DOCK3: variants seen among roughly 807,000 people sequenced by gnomAD.
DOCK3 encodes the protein dedicator of cytokinesis 3, also known as dedicator of cytokinesis protein 3.
DOCK3 carries 60 observed loss-of-function variants against 265.6 expected under a neutral mutation model. The ratio of observed to expected loss-of-function variants is 0.23; its 90% CI spans 0.18 to 0.28. The LOEUF is 0.28. Ranked by LOEUF, DOCK3 falls within the 10% of genes least tolerant of loss-of-function variation. The pLI, the probability that DOCK3 is intolerant of heterozygous loss-of-function variation, is 1.00. For synonymous variants in DOCK3, 881 were observed against 938.0 expected (o/e 0.94, Z 1.11); for missense variants, 1,981 against 2,594.3 (o/e 0.76, Z 5.14).
At chr3:51,109,965 A>ATTG (rs1194281864) in intron 9 of DOCK3, among the ~76,000 whole-genome samples, 9 of 152,096 alleles carry the variant, frequency 5.9e-5, no homozygotes, top group Admixed American at 2.0e-4. Context: ...ACAATCTGAA[A>ATTG]TGACAAAGGG....
At chr3:50,799,741 T>C (rs1429970130) in intron 2 of DOCK3, among the ~76,000 whole-genome samples, 1 of 152,192 alleles carries the variant, frequency 6.6e-6, no homozygotes, top group African/African-American at 2.4e-5. Context: ...CATCTAGTGC[T>C]ATGTTGAATA....
At position 50,754,111 on chromosome 3, in the gene DOCK3, G is replaced by A. The variant is rs567533095; in HGVS notation, c.38-24564G>A. Among the ~76,000 whole-genome samples, 535 of 131,644 alleles carry A rather than the reference G, an allele frequency of 4.1e-3. 2 individuals are homozygous for A. The highest frequency in any genetic ancestry group is 0.014 in the African/African-American group (492 of 35,448). The allele number at this position is 131,644 out of a possible 152,430, so 86.4% of individuals were successfully genotyped here. On this transcript the variant is annotated intron_variant, in intron 1 of 52. Transcript: ENST00000266037. The stretch of plus-strand genomic sequence containing the variant: ...GCGGAGGTTGCAGTGAGCCAAGATC[G>A]TGCCACTGCACTCCAGCCTGGGTGA...
At chr3:50,711,387 G>C (rs1280948309) in intron 1 of DOCK3, among the ~76,000 whole-genome samples, 1 of 151,008 alleles carries the variant, frequency 6.6e-6, no homozygotes, top group African/African-American at 2.4e-5. Context: ...TCAGCCTCCC[G>C]AGTAGCTGGG....
chr3:50,948,021 A>ACTTATC (rs1553711636), intron 5 of DOCK3, among the ~76,000 whole-genome samples: 5 of 120,354 alleles, frequency 4.2e-5, no homozygotes, highest in African/African-American at 1.6e-4. Flanking sequence ...ACGCCCAGCT[A>ACTTATC]ATTATTATTA....
At chr3:51,244,157 C>T (rs933303272) in intron 21 of DOCK3, among the ~76,000 whole-genome samples, 1 of 151,446 alleles carries the variant, frequency 6.6e-6, no homozygotes, top group Non-Finnish European at 1.5e-5. Flanking sequence ...CAATTTTGTT[C>T]CTCTTTTTCA....
At chr3:51,253,179 T>G (rs2355945) in intron 22 of DOCK3, among the ~76,000 whole-genome samples, 1 of 152,236 alleles carries the variant, frequency 6.6e-6, no homozygotes, top group African/African-American at 2.4e-5. Flanking sequence ...TTGGTTTGCA[T>G]ATGTTGAACC....
In DOCK3 at chr3:51,200,473, A is replaced by G. The variant is rs1400250944; in HGVS notation, c.1038-8301A>G. On this transcript the variant is annotated intron_variant, in intron 12 of 52. Coordinates refer to ENST00000266037, the MANE Select transcript of DOCK3 (RefSeq NM_004947.5). ...GAAGCGAGAAGGGAAGTTTAGAGAA[A>G]AAAGAATAAAAAGAAACAAACAAAG... is the stretch of plus-strand genomic sequence containing the variant. Among the ~76,000 whole-genome samples the G allele has an allele frequency of 8.1e-5, 9 of 111,716 alleles. No individual in the cohort carries two copies. The Admixed American group carries it at 8.6e-4, about 11-fold the overall frequency. 73.3% of individuals were successfully genotyped at this position (111,716 alleles called of 152,430 possible). A position where few individuals can be genotyped will look rare whatever the true frequency, so the allele number is the denominator to read the frequency against.
intron 20 of DOCK3, 66 bp from the exon 21 acceptor site, chr3:51,237,424 T>C: frequency 7.3e-7 from 1 of 1,361,294 alleles, no homozygotes; most frequent in Non-Finnish European, 1.0e-6. Flanking sequence ...GAAGACTCTG[T>C]TTCCTGCTGG....
chr3:50,940,713 G>T (rs1255169783), intron 5 of DOCK3, among the ~76,000 whole-genome samples: 2 of 152,172 alleles, frequency 1.3e-5, no homozygotes, highest in African/African-American at 4.8e-5. Flanking sequence ...AAGGCAGAGT[G>T]GTACTGGCAG....
At chr3:51,112,316 T>C (rs1468066976) in intron 9 of DOCK3, among the ~76,000 whole-genome samples, 4 of 152,146 alleles carry the variant, frequency 2.6e-5, no homozygotes, top group Admixed American at 6.6e-5. Flanking sequence ...GAAAAAATTA[T>C]AAGTAAAAAA....
At chr3:51,279,092 C>T (rs1485761576) in intron 26 of DOCK3, among the ~76,000 whole-genome samples, 4 of 147,868 alleles carry the variant, frequency 2.7e-5, no homozygotes, top group Non-Finnish European at 6.0e-5. Flanking sequence ...ACTAAAAATA[C>T]AAAAAAAAAA....
At chr3:50,764,799 G>A (rs1371990617) in intron 1 of DOCK3, among the ~76,000 whole-genome samples, 2 of 152,060 alleles carry the variant, frequency 1.3e-5, no homozygotes, top group African/African-American at 4.8e-5. Flanking sequence ...TTTTTTAAAT[G>A]TTAAAAGAGT....
At chr3:51,076,712 G>T (rs900705487) in intron 7 of DOCK3, among the ~76,000 whole-genome samples, 1 of 152,132 alleles carries the variant, frequency 6.6e-6, no homozygotes, top group African/African-American at 2.4e-5. Flanking sequence ...TGCCATACGT[G>T]TGCTGCATAT....
chr3:50,729,804 CTG>C (rs1646231701), intron 1 of DOCK3, among the ~76,000 whole-genome samples: 1 of 150,944 alleles, frequency 6.6e-6, no homozygotes, highest in South Asian at 2.1e-4. Context: ...GTGTGAGTCA[CTG>C]TGCCTGCTCT....
chr3:51,242,049 TC>T (rs1478527919), intron 21 of DOCK3, among the ~76,000 whole-genome samples: 2 of 152,076 alleles, frequency 1.3e-5, no homozygotes, highest in Non-Finnish European at 2.9e-5. Context: ...TGTGGGCTTG[TC>T]ACTCTTCAGT....
intron 3 of DOCK3, among the ~76,000 whole-genome samples, chr3:50,842,639 C>G (rs928541725): frequency 1.3e-5 from 2 of 151,966 alleles, no homozygotes; most frequent in Non-Finnish European, 2.9e-5. Context: ...TAGATGCCAG[C>G]AACCCTCTGT....
At chr3:51,227,202 G>A in intron 15 of DOCK3, 81 bp from the exon 16 acceptor site, 1 of 1,517,342 alleles carries the variant, frequency 6.6e-7, no homozygotes, top group Non-Finnish European at 8.9e-7. Context: ...TTAGACAAGA[G>A]AAAGAAAAGT....
At chr3:51,143,729 C>T (rs1446767875) in intron 9 of DOCK3, among the ~76,000 whole-genome samples, 2 of 152,100 alleles carry the variant, frequency 1.3e-5, no homozygotes, top group Non-Finnish European at 2.9e-5. Context: ...TGTTCTCAAT[C>T]CAATTTTTTC....
intron 3 of DOCK3, among the ~76,000 whole-genome samples, chr3:50,874,420 C>T (rs1009704827): frequency 2.0e-5 from 3 of 151,766 alleles, no homozygotes; most frequent in Non-Finnish European, 4.4e-5. Context: ...GCAGGAGGAT[C>T]CCTTGAGCCT....
Sources: allele counts gnomAD v4.1 joint callset (sites outside exome capture counted in the v4.1 genomes callset), GRCh38; gene constraint gnomAD v4.1.1; transcripts MANE v1.5; gene names NCBI Gene and HGNC (gene_info 2026-07-23, HGNC 2026-07-21).